The following PCSK6 variants were observed in gnomAD, a reference collection of about 807,000 sequenced individuals.
PCSK6 encodes the protein proprotein convertase subtilisin/kexin type 6, also known as paired basic amino acid cleaving enzyme 4.
In PCSK6, 85 loss-of-function variants were observed where a neutral mutation model predicts 123.3. The observed-to-expected ratio is 0.69, with a 90% CI of 0.58 to 0.83. The LOEUF is 0.83. Among genes scored for constraint, PCSK6 ranks in the 40% least tolerant of loss-of-function variants. PCSK6 has a pLI of 0.00. For synonymous variants in PCSK6, 508 were observed against 516.0 expected, an observed-to-expected ratio of 0.98 and a Z score of 0.21; for missense variants, 1,191 against 1,282.3, an observed-to-expected ratio of 0.93 and a Z score of 1.09.
chr15:101,361,271 A>T (rs761224757), intron 13 of PCSK6, among the ~76,000 whole-genome samples: 5 of 149,060 alleles, frequency 3.4e-5, no homozygotes, highest in Non-Finnish European at 5.9e-5. Flanking sequence ...TCTCTCTATT[A>T]TAGGAAGATA....
rs117180392 is a variant in PCSK6, at chr15:101,306,787, C to T, written c.2812+426G>A. On this transcript the variant is annotated intron_variant, in intron 21 of 21. Transcript: ENST00000611716. ...CAGAGCTGGGATTGCTGCTGCTGAGCGTGTGCTCTACTCTGGGCTCTGTCC... is the reference window on the plus strand; with the variant it reads ...CAGAGCTGGGATTGCTGCTGCTGAGTGTGTGCTCTACTCTGGGCTCTGTCC... Among the ~76,000 whole-genome samples, 873 of 152,318 alleles carry T rather than the reference C, an allele frequency of 5.7e-3. 7 individuals are homozygous for T. Among genetic ancestry groups the T allele is most frequent in the Non-Finnish European group, 9.6e-3 (654 of 68,020 alleles).
At chr15:101,367,220 T>C (rs866086153) in intron 12 of PCSK6, among the ~76,000 whole-genome samples, 91 of 152,274 alleles carry the variant, frequency 6.0e-4, no homozygotes, top group Middle Eastern at 3.4e-3. Flanking sequence ...CAACATCCAA[T>C]CTCTTCCTGC....
intron 6 of PCSK6, among the ~76,000 whole-genome samples, chr15:101,410,645 C>T (rs2042919389): frequency 1.3e-5 from 2 of 152,214 alleles, no homozygotes; most frequent in Admixed American, 1.3e-4. Context: ...GAAGGCTTCC[C>T]CTTCTGCTTC....
rs1242647230 is a variant in PCSK6 at position 101,431,366 on chromosome 15, A to G, written c.611T>C (p.Leu204Pro). The G allele has an allele frequency of 6.2e-7, 1 of 1,613,912 alleles. No individual in the cohort carries two copies. Residue 204 changes from leucine to proline, a missense_variant, in exon 4 of 22, where the codon CTT becomes CCT. Coordinates refer to ENST00000611716, the MANE Select transcript of PCSK6 (RefSeq NM_002570.5). ...YTGKNVVVTI[L>P]DDGIERNHPD... is the part of the protein sequence containing the mutation. ...GTGATTTCTCTCTATGCCATCATCA[A>G]GGATGGTGACCACCACGTTTTTTCC...
intron 1 of PCSK6, among the ~76,000 whole-genome samples, chr15:101,488,959 G>A (rs1248686186): frequency 6.7e-6 from 1 of 149,724 alleles, no homozygotes; most frequent in East Asian, 2.0e-4. Flanking sequence ...CCCCCGCGGG[G>A]GAGAGCCGGG....
At chr15:101,361,698 G>A (rs1430771281) in intron 13 of PCSK6, among the ~76,000 whole-genome samples, 1 of 152,176 alleles carries the variant, frequency 6.6e-6, no homozygotes, top group African/African-American at 2.4e-5. Context: ...GCTGTGGGAG[G>A]TCATTAAAGT....
intron 13 of PCSK6, among the ~76,000 whole-genome samples, chr15:101,358,188 C>T (rs892419604): frequency 9.2e-5 from 14 of 152,100 alleles, no homozygotes; most frequent in Admixed American, 2.0e-4. Context: ...TGGGGGTAGG[C>T]GGAGTAAGGC....
intron 2 of PCSK6, among the ~76,000 whole-genome samples, chr15:101,440,053 A>C (rs561544115): frequency 6.6e-6 from 1 of 152,334 alleles, no homozygotes; most frequent in African/African-American, 2.4e-5. Flanking sequence ...AGAACAAGTA[A>C]TTTTAAAAAA....
At chr15:101,394,743 C>T (rs990158018) in intron 7 of PCSK6, among the ~76,000 whole-genome samples, 8 of 152,180 alleles carry the variant, frequency 5.3e-5, no homozygotes, top group Non-Finnish European at 1.2e-4. Context: ...TGAGTGGACC[C>T]GCCTGCTCTG....
chr15:101,338,213 C>T (rs2040526722), intron 13 of PCSK6, among the ~76,000 whole-genome samples: 1 of 152,186 alleles, frequency 6.6e-6, no homozygotes, highest in African/African-American at 2.4e-5. Context: ...CTTCTCCAAA[C>T]CACAGCCCAA....
chr15:101,336,071 C>A (rs975916787), intron 13 of PCSK6, among the ~76,000 whole-genome samples: 4 of 152,204 alleles, frequency 2.6e-5, no homozygotes, highest in Admixed American at 2.6e-4. Context: ...TGTCATTTTG[C>A]AGCACACGAC....
chr15:101,311,285 A>AT (rs71154317), intron 20 of PCSK6, among the ~76,000 whole-genome samples: 24,853 of 114,882 alleles, frequency 0.22, 2,580 homozygotes, highest in African/African-American at 0.26. Context: ...TAATTTTTGC[A>AT]TTTTTTTTTT....
intron 8 of PCSK6, 93 bp from the exon 9 acceptor site, chr15:101,389,657 G>T: frequency 1.0e-6 from 1 of 957,034 alleles, no homozygotes; most frequent in Non-Finnish European, 1.6e-6. Flanking sequence ...CCACTAACTG[G>T]CAAGCGTGAC....
intron 13 of PCSK6, chr15:101,337,342 C>T (rs2040505362): frequency 6.6e-6 from 1 of 152,128 alleles, no homozygotes. Flanking sequence ...CTTTCTCAAC[C>T]AAGGGAGTCA....
At position 101,472,259 on chromosome 15, in the gene PCSK6, C is replaced by T. The variant is rs138919370; in HGVS notation, c.297+17115G>A. Among the ~76,000 whole-genome samples the T allele has an allele frequency of 4.6e-3, 706 of 152,316 alleles. 7 individuals are homozygous for T. Among genetic ancestry groups the T allele is most frequent in the African/African-American group, 0.016 (650 of 41,566 alleles). Reference sequence around the variant, plus strand: ...TCGTCTTCTGCTATGAAGGGGCCGACGCAGAAATCAAACTGGGCTCAACGT... The same window carrying T: ...TCGTCTTCTGCTATGAAGGGGCCGATGCAGAAATCAAACTGGGCTCAACGT... On this transcript the variant is annotated intron_variant, in intron 1 of 21. Transcript: ENST00000611716.
intron 13 of PCSK6, among the ~76,000 whole-genome samples, chr15:101,338,497 C>T (rs1189835919): frequency 6.6e-6 from 1 of 152,216 alleles, no homozygotes; most frequent in Admixed American, 6.5e-5. Context: ...GGAGGAAGAA[C>T]AGGCAGATGT....
intron 11 of PCSK6, among the ~76,000 whole-genome samples, chr15:101,373,026 C>T (rs1052291728): frequency 2.6e-5 from 4 of 151,994 alleles, no homozygotes; most frequent in Non-Finnish European, 5.9e-5. Flanking sequence ...GACAACCAAG[C>T]CCCACCTCTC....
At chr15:101,367,196 A>G (rs931669397) in intron 12 of PCSK6, among the ~76,000 whole-genome samples, 2 of 152,214 alleles carry the variant, frequency 1.3e-5, no homozygotes, top group African/African-American at 4.8e-5. Flanking sequence ...AGGCAGAAAC[A>G]GGAAGCAACT....
intron 21 of PCSK6, 69 bp downstream of exon 21, chr15:101,307,144 C>T: frequency 2.5e-6 from 3 of 1,203,122 alleles, no homozygotes; most frequent in South Asian, 2.5e-5. Context: ...TTGCTTTTCT[C>T]TTTGGAGCAC....
Sources: gnomAD v4.1 joint callset for allele counts (sites outside exome capture counted in the v4.1 genomes callset) on GRCh38, gnomAD v4.1.1 for gene constraint, MANE v1.5 for transcripts, NCBI Gene and HGNC (gene_info 2026-07-23, HGNC 2026-07-21) for gene names.